The following MUC6 variants were observed in gnomAD, a reference collection of about 807,000 sequenced individuals.
MUC6 encodes mucin-6.
Under a neutral mutation model 201.5 loss-of-function variants are expected in MUC6, and 188 were observed. The observed-to-expected ratio is 0.93, with a 90% CI of 0.83 to 1.05. MUC6 has a LOEUF of 1.05. MUC6 is among the 50% of genes least tolerant of loss of function. The pLI, the probability that MUC6 is intolerant of heterozygous loss-of-function variation, is 0.00. For missense variants in MUC6, 2,706 were observed against 3,256.9 expected (o/e 0.83, Z 4.12); for synonymous variants, 1,228 against 1,389.4 (o/e 0.88, Z 2.58).
intron 26 of MUC6, 28 bp from the exon 27 acceptor site, chr11:1,021,305 G>A: frequency 1.4e-6 from 2 of 1,476,972 alleles, no homozygotes; most frequent in Non-Finnish European, 1.8e-6. Context: ...CAGGGTCTGT[G>A]TGACTGGTGG....
Position 1,029,578 on chromosome 11 carries a change from G to T in MUC6, c.1053C>A (p.Cys351Ter). The change falls in exon 9 of 33, where the codon TGC (cysteine) becomes TGA (stop). Residue 351 changes from cysteine (C) to a stop codon, truncating the protein, a stop_gained. Transcript: ENST00000421673. LOFTEE classifies it high-confidence loss of function. ...VLNDLSNNHT[C>*]VPVTQCPCVL... ...CACAGGGGCACTGGGTGACGGGCAC[G>T]CAGGTGTGGTTATTGGAGAGGTCAT... 1 of 1,608,852 alleles carries T rather than the reference G, an allele frequency of 6.2e-7. No homozygotes were observed.
intron 12 of MUC6, 50 bp downstream of exon 12, chr11:1,028,839 C>T (rs752963295): frequency 6.2e-7 from 1 of 1,609,602 alleles, no homozygotes; most frequent in Non-Finnish European, 8.5e-7. Context: ...CCACTGCAGC[C>T]CGCCCCGAAG....
Position 1,030,620 on chromosome 11 carries a change from C to G in MUC6, c.845G>C (p.Ser282Thr). The G allele has an allele frequency of 6.5e-7, 1 of 1,541,118 alleles. No homozygotes were observed. Among genetic ancestry groups the G allele is most frequent in the Non-Finnish European group, 8.7e-7 (1 of 1,144,858 alleles). ...ATLSEYSRQC[S>T]MVGQPVRRWR... ...GCGGCGGACCGGCTGGCCCACCATG[C>G]TGCACTGGCGGGAGTACTCCGACAG... The change falls in exon 7 of 33, where the codon AGC becomes ACC. Residue 282 changes from serine to threonine, a missense_variant. Coordinates refer to ENST00000421673, the MANE Select transcript of MUC6 (RefSeq NM_005961.3).
chr11:1,033,919 C>T lies in MUC6; in HGVS notation c.53-844G>A, dbSNP rs1857164305. Among the ~76,000 whole-genome samples the T allele has an allele frequency of 6.6e-6, 1 of 152,186 alleles. No homozygotes were observed. The highest frequency in any genetic ancestry group is 2.4e-5 in the African/African-American group (1 of 41,444). ...CTTGGGGCCGGGACCCTCCTTGCCC[C>T]TGCCCATTGGTTAGCAGGGCACTCA... On this transcript the variant is annotated intron_variant, in intron 1 of 32. Coordinates refer to ENST00000421673, the MANE Select transcript of MUC6 (RefSeq NM_005961.3). This position sits in a 1 kb window ranked among gnomAD's most constrained non-coding sequence, Gnocchi z 5.6.
rs770644195 is a variant in MUC6, at chr11:1,018,463, G to T, written c.4338C>A (p.His1446Gln). 1.3e-5 allele frequency: 20 copies of T among 1,581,490 alleles called. No homozygotes were observed. In the South Asian group the frequency reaches 2.2e-4, roughly 18 times the overall value. ...PSHPETTLPT[H>Q]VPPFSTSLVT... The stretch of plus-strand genomic sequence containing the variant: ...CCAAGGAGGTGGAGAAAGGTGGAAC[G>T]TGAGTGGGAAGTGTGGTCTCAGGGT... Residue 1446 changes from histidine to glutamine, a missense_variant, in exon 31 of 33, where the codon CAC (histidine) becomes CAA (glutamine). Coordinates refer to ENST00000421673, the MANE Select transcript of MUC6 (RefSeq NM_005961.3).
intron 26 of MUC6, among the ~76,000 whole-genome samples, chr11:1,022,760 AGAAT>A (rs1176202398): frequency 1.3e-5 from 2 of 152,254 alleles, no homozygotes; most frequent in Non-Finnish European, 2.9e-5. Flanking sequence ...TGTGTGTGAA[AGAAT>A]GAATGTGCAA....
At chr11:1,035,563 G>T (rs1379265428) in intron 1 of MUC6, among the ~76,000 whole-genome samples, 1 of 151,976 alleles carries the variant, frequency 6.6e-6, no homozygotes, top group East Asian at 1.9e-4. Flanking sequence ...GCGTGGTGGG[G>T]AGCGAGCTCA....
In MUC6 at chr11:1,029,105, TGTC is replaced by T. The variant is rs139449983; in HGVS notation, c.1318_1320del (p.Asp440del). ...GTCTCGGAGTGTGAGACGCCGGACT[TGTC>T]GTACACAGCCATGAGGGCACCGTCC... On this transcript the variant is annotated inframe_deletion, in exon 11 of 33. Transcript: ENST00000421673. The T allele has an allele frequency of 3.4e-4, 541 of 1,612,484 alleles. 1 individual carries two copies. The highest frequency in any genetic ancestry group is 2.1e-3 in the South Asian group (189 of 91,054).
chr11:1,025,715 G>T, intron 22 of MUC6, 90 bp downstream of exon 22: 1 of 1,246,344 alleles, frequency 8.0e-7, no homozygotes, highest in Non-Finnish European at 1.1e-6. Context: ...CTCGGGGCAG[G>T]ACCTGGAGGC....
At position 1,026,498 on chromosome 11, in the gene MUC6, C is replaced by T. The variant is rs758286227; in HGVS notation, c.2395-20G>A. 63 of 1,562,258 alleles carry T rather than the reference C, an allele frequency of 4.0e-5. No individual in the cohort carries two copies. The highest frequency in any genetic ancestry group is 5.2e-5 in the Non-Finnish European group (60 of 1,155,952). ...GGGCACCTGGAGGGAGGCAGGTCAG[C>T]AGCTCCTGGGAGGGTGGCCTCAGCC... On this transcript the variant is annotated intron_variant, in intron 19 of 32. Transcript: ENST00000421673.
chr11:1,021,296 A>C lies in MUC6; in HGVS notation c.3527-19T>G, dbSNP rs1254108771. On this transcript the variant is annotated intron_variant, in intron 26 of 32. Transcript: ENST00000421673. The stretch of plus-strand genomic sequence containing the variant: ...TAGCAGCCTAGGGTGGAGAACGGCC[A>C]GGGTCTGTGTGACTGGTGGCCAGCC... 1 of 1,513,678 alleles carries C rather than the reference A, an allele frequency of 6.6e-7. No individual in the cohort carries two copies. 93.8% of individuals were successfully genotyped at this position (1,513,678 alleles called of 1,614,324 possible). A position where few individuals can be genotyped will look rare whatever the true frequency, so the allele number is the denominator to read the frequency against.
rs758546788 is a variant in MUC6, at chr11:1,016,164, G to A, written c.6637C>T (p.Pro2213Ser). ...AASTTIRATL[P>S]HTISSPFTLS... Reference sequence around the variant, plus strand: ...GTGAAAGGAGAGGAGATAGTGTGGGGGAGAGTGGCCCTAATGGTAGTAGAG... The same window carrying A: ...GTGAAAGGAGAGGAGATAGTGTGGGAGAGAGTGGCCCTAATGGTAGTAGAG... The change falls in exon 31 of 33, where the codon CCC (proline) becomes TCC (serine). Residue 2213 changes from proline to serine, a missense_variant. Physicochemically the swap from Pro to Ser is moderately conservative, Grantham distance 74 (BLOSUM62 -1). This residue lies in a region of MUC6 where 586 missense variants were observed against 488.0 expected (regional missense o/e 1.20). Coordinates refer to ENST00000421673, the MANE Select transcript of MUC6 (RefSeq NM_005961.3). 3 of 1,613,616 alleles carry A rather than the reference G, an allele frequency of 1.9e-6. No homozygotes were observed. In the South Asian group the frequency reaches 3.3e-5, roughly 18 times the overall value.
intron 31 of MUC6, among the ~76,000 whole-genome samples, chr11:1,015,238 G>T (rs1856576368): frequency 6.6e-6 from 1 of 152,304 alleles, no homozygotes; most frequent in East Asian, 1.9e-4. Context: ...GTGGCCCAGA[G>T]AATTGGCATG....
intron 1 of MUC6, among the ~76,000 whole-genome samples, chr11:1,035,768 AC>A (rs1857202705): frequency 6.6e-6 from 1 of 151,888 alleles, no homozygotes; most frequent in African/African-American, 2.4e-5. Context: ...GCCAGCGTCC[AC>A]CCCAGGGGGC....
chr11:1,031,600 T>C lies in MUC6; in HGVS notation c.483+7A>G. 6.5e-7 allele frequency: 1 copy of C among 1,547,040 alleles called. No individual in the cohort carries two copies. The highest frequency in any genetic ancestry group is 8.7e-7 in the Non-Finnish European group (1 of 1,146,954). On this transcript the variant is annotated splice_region_variant and intron_variant, in intron 4 of 32. Transcript: ENST00000421673. ...CTCCAGGCCCACCCTGGCCCTTCTCTCCTCACCATGAGGTGGCTGTCAGGA... is the reference window on the plus strand; with the variant it reads ...CTCCAGGCCCACCCTGGCCCTTCTCCCCTCACCATGAGGTGGCTGTCAGGA...
Position 1,023,543 on chromosome 11 carries a change from G to T in MUC6, c.3492C>A (p.Ser1164Arg). The change falls in exon 26 of 33, where the codon AGC becomes AGA. Residue 1164 changes from serine to arginine, a missense_variant. Coordinates refer to ENST00000421673, the MANE Select transcript of MUC6 (RefSeq NM_005961.3). ...TGCTGCCTGGGACGCTCTGTGGCTGGCTGGGGCAGAGGCAGGGCTGGTAGT... is the reference window on the plus strand; with the variant it reads ...TGCTGCCTGGGACGCTCTGTGGCTGTCTGGGGCAGAGGCAGGGCTGGTAGT... ...TWHYQPCLCPSQPQSVPGSNI... is the reference protein window; with the variant it reads ...TWHYQPCLCPRQPQSVPGSNI... 1 of 1,603,264 alleles carries T rather than the reference G, an allele frequency of 6.2e-7. No individual in the cohort carries two copies. Among genetic ancestry groups the T allele is most frequent in the South Asian group, 1.1e-5 (1 of 89,270 alleles).
Position 1,026,127 on chromosome 11 carries a change from C to A in MUC6, c.2561G>T (p.Gly854Val). The A allele has an allele frequency of 6.3e-7, 1 of 1,597,688 alleles. No homozygotes were observed. The highest frequency in any genetic ancestry group is 2.3e-5 in the East Asian group (1 of 44,210). The part of the protein sequence containing the change: ...TDCRTCSCSR[G>V]RWACQQGTHC... ...GGTGCCCTGCTGACAGGCCCACCTC[C>A]CCCTTGAGCAGGAGCTGTGGAGACA... is the stretch of plus-strand genomic sequence containing the variant. The change falls in exon 21 of 33, where the codon GGG becomes GTG. Residue 854 changes from glycine to valine, a missense_variant. By Grantham distance (109) the Gly-to-Val change is moderately radical. This residue lies in a region of MUC6 where 1,850 missense variants were observed against 1,958.3 expected (regional missense o/e 0.94). Transcript: ENST00000421673.
intron 19 of MUC6, 66 bp downstream of exon 19, chr11:1,026,875 G>A (rs955964097): frequency 1.4e-6 from 2 of 1,421,248 alleles, no homozygotes; most frequent in African/African-American, 1.4e-5. Context: ...CCGGAGTTCT[G>A]TGGAAACCCC....
intron 24 of MUC6, among the ~76,000 whole-genome samples, chr11:1,024,484 C>T (rs1031652958): frequency 3.9e-5 from 6 of 152,210 alleles, no homozygotes; most frequent in South Asian, 2.1e-4. Context: ...CCGCGATGGC[C>T]GGATCACGCC....
Sources: gnomAD v4.1 joint callset for allele counts (sites outside exome capture counted in the v4.1 genomes callset) on GRCh38, gnomAD v4.1.1 for gene constraint, gnomAD v4.1.1 regional missense constraint, Gnocchi (gnomAD v3.1) non-coding constraint, MANE v1.5 for transcripts, NCBI Gene and HGNC (gene_info 2026-07-23, HGNC 2026-07-21) for gene names.